Variants in IKZF3 observed in about 807,000 individuals in gnomAD.
IKZF3 encodes the protein zinc finger protein Aiolos.
In IKZF3, 10 loss-of-function variants were observed where a neutral mutation model predicts 49.0. The observed-to-expected ratio is 0.20, with a 90% CI of 0.13 to 0.35. The LOEUF is 0.35. Ranked by LOEUF, IKZF3 falls within the 10% of genes least tolerant of loss-of-function variation. IKZF3 has a pLI of 1.00. For synonymous variants in IKZF3, 209 were observed against 228.2 expected, an observed-to-expected ratio of 0.92 and a Z score of 0.76; for missense variants, 498 against 664.8, an observed-to-expected ratio of 0.75 and a Z score of 2.76.
chr17:39,838,342 T>C (rs2062363081), intron 1 of IKZF3, among the ~76,000 whole-genome samples: 1 of 152,328 alleles, frequency 6.6e-6, no homozygotes, highest in South Asian at 2.1e-4. Flanking sequence ...AAGGAATAAT[T>C]TCTATTTTCA....
rs1218058290 is a variant in IKZF3, at chr17:39,759,962, G to A, written c.*5828C>T. On this transcript the variant is annotated 3_prime_UTR_variant, in exon 8 of 8. Transcript: ENST00000346872. ...TTCTCTTCTTGAGCTCACAAGTCCC[G>A]ATGCTGACTCTTTGAGTCCTCAGAT... 1.3e-5 allele frequency: 2 copies of A among 151,956 alleles called. No individual in the cohort carries two copies. Among genetic ancestry groups the A allele is most frequent in the Non-Finnish European group, 2.9e-5 (2 of 68,002 alleles). The allele number at this position is 151,956 out of a possible 1,614,324, so 9.4% of individuals were successfully genotyped here.
rs144572457 is a variant in IKZF3, at chr17:39,800,547, T to C, written c.164-7614A>G. Among the ~76,000 whole-genome samples the C allele has an allele frequency of 2.8e-3, 421 of 152,278 alleles. 6 individuals carry two copies. The highest frequency in any genetic ancestry group is 9.7e-3 in the African/African-American group (402 of 41,554). On this transcript the variant is annotated intron_variant, in intron 3 of 7. Coordinates refer to ENST00000346872, the MANE Select transcript of IKZF3 (RefSeq NM_012481.5). The stretch of plus-strand genomic sequence containing the variant: ...AGATGTCTAAATTGAATCTAACCCA[T>C]AGGAAATTAGATTAAACTAAACTTT...
chr17:39,864,219 G>C lies in IKZF3; in HGVS notation c.-93C>G. The C allele has an allele frequency of 1.4e-6, 2 of 1,458,350 alleles. No homozygotes were observed. Among genetic ancestry groups the C allele is most frequent in the Non-Finnish European group, 1.9e-6 (2 of 1,075,554 alleles). The allele number at this position is 1,458,350 out of a possible 1,614,324, so 90.3% of individuals were successfully genotyped here. A position where few individuals can be genotyped will look rare whatever the true frequency, so the allele number is the denominator to read the frequency against. On this transcript the variant is annotated 5_prime_UTR_variant, in exon 1 of 8. Coordinates refer to ENST00000346872, the MANE Select transcript of IKZF3 (RefSeq NM_012481.5). The stretch of plus-strand genomic sequence containing the variant: ...CCTGGACTCAGCGCGCAGCTGGCGG[G>C]AGATTCCCGGCGCGGGGAGTCCCCG...
At chr17:39,835,354 AC>A in intron 1 of IKZF3, 2 of 492,846 alleles carry the variant, frequency 4.1e-6, no homozygotes, top group Admixed American at 4.3e-5. Flanking sequence ...TCCAGCTTGG[AC>A]CCCCTGGCAT....
chr17:39,814,284 T>C (rs563400432), intron 3 of IKZF3, among the ~76,000 whole-genome samples: 1 of 152,290 alleles, frequency 6.6e-6, no homozygotes, highest in Non-Finnish European at 1.5e-5. Flanking sequence ...AGTGATCAAA[T>C]TCAACTTTTC....
rs1296655926 is a variant in IKZF3, at chr17:39,791,491, G to C, written c.517C>G (p.Pro173Ala). ...RHIKLHTGEK[P>A]FKCHLCNYAC... Reference sequence around the variant, plus strand: ...TAGTTGCAGAGGTGACACTTAAAAGGTTTTTCCCCTGTGTGCAGTTTAATG... The same window carrying C: ...TAGTTGCAGAGGTGACACTTAAAAGCTTTTTCCCCTGTGTGCAGTTTAATG... Residue 173 changes from proline to alanine, a missense_variant, in exon 5 of 8, where the codon CCT (proline) becomes GCT (alanine). This residue lies in a region of IKZF3 where 84 missense variants were observed against 168.6 expected (regional missense o/e 0.50). Transcript: ENST00000346872. 6.2e-7 allele frequency: 1 copy of C among 1,613,888 alleles called. No individual in the cohort carries two copies. Among genetic ancestry groups the C allele is most frequent in the African/African-American group, 1.3e-5 (1 of 74,858 alleles).
At chr17:39,791,669 A>C in intron 4 of IKZF3, 86 bp from the exon 5 acceptor site, 2 of 1,349,482 alleles carry the variant, frequency 1.5e-6, no homozygotes, top group Non-Finnish European at 2.1e-6. Flanking sequence ...GGAAAAGCTC[A>C]TCTTTTAGAC....
chr17:39,775,013 A>G (rs573024765), intron 7 of IKZF3, among the ~76,000 whole-genome samples: 3 of 152,304 alleles, frequency 2.0e-5, no homozygotes, highest in South Asian at 4.1e-4. Context: ...AGACTTGTAC[A>G]TGGGAGGAGA....
chr17:39,848,306 A>C (rs2062693231), intron 1 of IKZF3, among the ~76,000 whole-genome samples: 1 of 152,242 alleles, frequency 6.6e-6, no homozygotes, highest in South Asian at 2.1e-4. Flanking sequence ...TGTTAAAACA[A>C]CAAAGTCAGT....
At chr17:39,853,464 T>C (rs2062942411) in intron 1 of IKZF3, among the ~76,000 whole-genome samples, 1 of 152,206 alleles carries the variant, frequency 6.6e-6, no homozygotes. Context: ...TGATGCAATG[T>C]ATGCTATCAG....
chr17:39,822,546 C>T (rs1408363963), intron 3 of IKZF3, among the ~76,000 whole-genome samples: 1 of 149,756 alleles, frequency 6.7e-6, no homozygotes, highest in Non-Finnish European at 1.5e-5. Flanking sequence ...AACTTCTTTT[C>T]TTCTTTATAA....
chr17:39,782,168 C>T (rs965560470), intron 6 of IKZF3, among the ~76,000 whole-genome samples: 1 of 152,208 alleles, frequency 6.6e-6, no homozygotes, highest in Non-Finnish European at 1.5e-5. Flanking sequence ...GAAGATGGCA[C>T]TCATTTTCTT....
At chr17:39,777,186 A>G (rs948196309) in intron 7 of IKZF3, among the ~76,000 whole-genome samples, 7 of 152,354 alleles carry the variant, frequency 4.6e-5, no homozygotes, top group African/African-American at 1.4e-4. Context: ...TGTTTGCCCA[A>G]CCACTTTCCC....
intron 3 of IKZF3, among the ~76,000 whole-genome samples, chr17:39,815,496 T>C (rs762175016): frequency 1.6e-4 from 24 of 152,224 alleles, no homozygotes; most frequent in Non-Finnish European, 3.1e-4. Context: ...TCTGTGATCA[T>C]AGGCCAAGAT....
At chr17:39,820,797 G>A (rs1276544179) in intron 3 of IKZF3, among the ~76,000 whole-genome samples, 1 of 152,092 alleles carries the variant, frequency 6.6e-6, no homozygotes, top group Admixed American at 6.6e-5. Flanking sequence ...AGAAGGACCT[G>A]GTAATTAGAG....
chr17:39,837,684 G>C (rs2062337110), intron 1 of IKZF3, among the ~76,000 whole-genome samples: 3 of 151,646 alleles, frequency 2.0e-5, no homozygotes, highest in Admixed American at 2.0e-4. Flanking sequence ...TGTTGCCCAG[G>C]CTGAAGTGCA....
intron 7 of IKZF3, among the ~76,000 whole-genome samples, chr17:39,774,435 G>C (rs2060526507): frequency 6.6e-6 from 1 of 152,024 alleles, no homozygotes; most frequent in Non-Finnish European, 1.5e-5. Context: ...GGTGAGGTGA[G>C]GCGAGGCAAG....
intron 5 of IKZF3, among the ~76,000 whole-genome samples, chr17:39,789,531 C>A (rs1173412357): frequency 6.6e-6 from 1 of 150,550 alleles, no homozygotes; most frequent in East Asian, 2.0e-4. Context: ...CCACTGCATC[C>A]CAGCCTGGGC....
intron 6 of IKZF3, chr17:39,777,998 C>T: frequency 8.3e-7 from 1 of 1,207,034 alleles, no homozygotes; most frequent in Non-Finnish European, 1.0e-6. Context: ...CTCGACCCAT[C>T]CCCAACCAGT....
Sources: gnomAD v4.1 joint callset for allele counts (sites outside exome capture counted in the v4.1 genomes callset) on GRCh38, gnomAD v4.1.1 for gene constraint, gnomAD v4.1.1 regional missense constraint, MANE v1.5 for transcripts, NCBI Gene and HGNC (gene_info 2026-07-23, HGNC 2026-07-21) for gene names.